Variants in ZFHX3 observed in about 807,000 individuals in gnomAD.
The protein encoded by ZFHX3 is zinc finger homeobox protein 3.
In ZFHX3, 42 loss-of-function variants were observed where a neutral mutation model predicts 279.1. The observed-to-expected ratio is 0.15, with a 90% CI of 0.12 to 0.19. ZFHX3 has a LOEUF of 0.19. Among genes scored for constraint, ZFHX3 ranks in the 10% least tolerant of loss-of-function variants. ZFHX3 has a pLI of 1.00. For synonymous variants in ZFHX3, 2,293 were observed against 1,957.8 expected (o/e 1.17, Z -4.52); for missense variants, 4,981 against 4,754.0 (o/e 1.05, Z -1.40).
chr16:73,786,872 G>A (rs2032845587), intron 1 of ZFHX3, among the ~76,000 whole-genome samples: 1 of 152,156 alleles, frequency 6.6e-6, no homozygotes, highest in South Asian at 2.1e-4. Flanking sequence ...TACCCACAGA[G>A]GCAGCCAGAG....
chr16:73,230,272 T>G (rs961520919), intron 5 of ZFHX3, among the ~76,000 whole-genome samples: 1 of 152,198 alleles, frequency 6.6e-6, no homozygotes, highest in African/African-American at 2.4e-5. Flanking sequence ...TATGACAATA[T>G]TATGATTGTA....
chr16:73,316,290 T>A (rs189170009), intron 4 of ZFHX3, among the ~76,000 whole-genome samples: 1 of 152,152 alleles, frequency 6.6e-6, no homozygotes. Flanking sequence ...GGCAATACAA[T>A]TTAAAGGTGA....
intron 4 of ZFHX3, among the ~76,000 whole-genome samples, chr16:72,876,011 G>A (rs2038302031): frequency 6.6e-6 from 1 of 152,134 alleles, no homozygotes; most frequent in African/African-American, 2.4e-5. Context: ...GGGAAAACGA[G>A]CCTAAAATCC....
At chr16:72,914,662 T>C (rs567721531) in intron 3 of ZFHX3, among the ~76,000 whole-genome samples, 1 of 151,996 alleles carries the variant, frequency 6.6e-6, no homozygotes, top group South Asian at 2.1e-4. Context: ...ACAAGGAATG[T>C]TTGGGTAAGA....
chr16:73,830,721 G>A (rs956642669), intron 1 of ZFHX3, among the ~76,000 whole-genome samples: 2 of 152,184 alleles, frequency 1.3e-5, no homozygotes, highest in African/African-American at 4.8e-5. Flanking sequence ...ATTCAAACCA[G>A]CAGTATATGA....
At chr16:73,778,518 G>C (rs1008535598) in intron 1 of ZFHX3, among the ~76,000 whole-genome samples, 2 of 152,204 alleles carry the variant, frequency 1.3e-5, no homozygotes, top group Non-Finnish European at 2.9e-5. Flanking sequence ...GCAGCAATAT[G>C]TATTAAGCTG....
chr16:73,715,604 G>A (rs370272730), intron 1 of ZFHX3, among the ~76,000 whole-genome samples: 12 of 121,914 alleles, frequency 9.8e-5, no homozygotes, highest in East Asian at 4.7e-4. Context: ...ACAGAGTCTC[G>A]CTATGTTGCC....
intron 3 of ZFHX3, among the ~76,000 whole-genome samples, chr16:72,936,473 G>C (rs1309009051): frequency 6.6e-6 from 1 of 152,246 alleles, no homozygotes; most frequent in Non-Finnish European, 1.5e-5. Context: ...TGAAGTGATG[G>C]TGTAGCTCCT....
chr16:73,365,037 T>TC, intron 3 of ZFHX3, among the ~76,000 whole-genome samples: 1 of 151,656 alleles, frequency 6.6e-6, no homozygotes, highest in Middle Eastern at 3.2e-3. Flanking sequence ...GTGGCGCCTC[T>TC]CCCCCCACCC....
chr16:73,536,719 C>T (rs1184441655), intron 2 of ZFHX3, among the ~76,000 whole-genome samples: 6 of 152,166 alleles, frequency 3.9e-5, no homozygotes, highest in Non-Finnish European at 8.8e-5. Context: ...TACAGCTGTT[C>T]CTGGCACATG....
chr16:73,883,330 C>G (rs1429388857), intron 1 of ZFHX3, among the ~76,000 whole-genome samples: 1 of 152,030 alleles, frequency 6.6e-6, no homozygotes, highest in African/African-American at 2.4e-5. Context: ...CCTATGTTCT[C>G]TGTGTATTCT....
intron 5 of ZFHX3, among the ~76,000 whole-genome samples, chr16:73,161,151 T>C (rs1483606256): frequency 6.6e-6 from 1 of 152,032 alleles, no homozygotes; most frequent in Non-Finnish European, 1.5e-5. Context: ...CTTTTAAACA[T>C]TTTTTTGTAG....
chr16:73,434,618 T>G (rs879703553), intron 3 of ZFHX3, among the ~76,000 whole-genome samples: 151 of 152,268 alleles, frequency 9.9e-4, no homozygotes, highest in Non-Finnish European at 1.6e-3. Flanking sequence ...GTGTTTTTTT[T>G]TTGTTGTTGC....
chr16:73,718,948 C>T (rs988707718), intron 1 of ZFHX3, among the ~76,000 whole-genome samples: 1 of 152,170 alleles, frequency 6.6e-6, no homozygotes, highest in Admixed American at 6.6e-5. Context: ...CAGCCCTCCT[C>T]CGTCAGATCA....
intron 3 of ZFHX3, among the ~76,000 whole-genome samples, chr16:73,352,479 T>TTC: frequency 1.5e-5 from 2 of 131,600 alleles, no homozygotes; most frequent in African/African-American, 5.8e-5. Context: ...TCTCTCTTTT[T>TTC]TTTTTTTTTT....
intron 2 of ZFHX3, among the ~76,000 whole-genome samples, chr16:73,496,804 G>A (rs2019149656): frequency 6.6e-6 from 1 of 152,144 alleles, no homozygotes; most frequent in African/African-American, 2.4e-5. Context: ...GGAGTCTGGG[G>A]GGTGGGAGTG....
chr16:72,916,420 A>T (rs2039444602), intron 3 of ZFHX3, among the ~76,000 whole-genome samples: 1 of 152,262 alleles, frequency 6.6e-6, no homozygotes, highest in African/African-American at 2.4e-5. Context: ...AAATGCCTGC[A>T]GTAAAATATA....
rs2035962829 is a variant in ZFHX3 at position 72,797,709 on chromosome 16, C to T, written c.4973G>A (p.Ser1658Asn). 1.6e-5 allele frequency: 26 copies of T among 1,614,160 alleles called. No homozygotes were observed. Among genetic ancestry groups the T allele is most frequent in the Non-Finnish European group, 2.1e-5 (25 of 1,180,030 alleles). Residue 1658 changes from serine to asparagine, a missense_variant, in exon 9 of 10, where the codon AGT becomes AAT. Ser to Asn is a conservative substitution (Grantham distance 46). This residue lies in a region of ZFHX3 where 1,751 missense variants were observed against 1,770.0 expected (regional missense o/e 0.99). Coordinates refer to ENST00000268489, the MANE Select transcript of ZFHX3 (RefSeq NM_006885.4). ...GGAGGTGGTAAAGGTGTTACTGCCA[C>T]TGGTGCTCACAGGACTTGGCGTGGA... is the stretch of plus-strand genomic sequence containing the variant. ...SSSTPSPVST[S>N]GSNTFTTSNP...
At chr16:73,682,695 G>A (rs1008484270) in intron 1 of ZFHX3, among the ~76,000 whole-genome samples, 2 of 151,772 alleles carry the variant, frequency 1.3e-5, no homozygotes, top group African/African-American at 4.9e-5. Context: ...GCTGAGGCAG[G>A]AGAATCACCT....
Sources: gnomAD v4.1 joint callset for allele counts (sites outside exome capture counted in the v4.1 genomes callset) on GRCh38, gnomAD v4.1.1 for gene constraint, gnomAD v4.1.1 regional missense constraint, MANE v1.5 for transcripts, NCBI Gene and HGNC (gene_info 2026-07-23, HGNC 2026-07-21) for gene names.